Variants in RFX1 observed in about 807,000 individuals in gnomAD.
The protein encoded by RFX1 is MHC class II regulatory factor RFX1.
Under a neutral mutation model 119.6 loss-of-function variants are expected in RFX1, and 42 were observed. That is an observed-to-expected ratio of 0.35 (90% CI 0.27 to 0.45). The LOEUF (loss-of-function observed/expected upper bound fraction) is 0.45, where lower values mean the gene tolerates loss of function less well. Ranked by LOEUF, RFX1 falls within the 20% of genes least tolerant of loss-of-function variation. RFX1 has a pLI of 1.00. For synonymous variants in RFX1, 628 were observed against 618.5 expected, an observed-to-expected ratio of 1.02 and a Z score of -0.23; for missense variants, 1,118 against 1,368.1, an observed-to-expected ratio of 0.82 and a Z score of 2.88.
In RFX1 at chr19:13,962,413, A is replaced by C. The variant is rs1347992234; in HGVS notation, c.*282T>G. On this transcript the variant is annotated 3_prime_UTR_variant, in exon 21 of 21. Transcript: ENST00000254325. Reference sequence around the variant, plus strand: ...TGGGGAGAAGACGCTGGGGCCTGGGAGGGGGGCGGCCAAGGGGCCGAGCTG... The same window carrying C: ...TGGGGAGAAGACGCTGGGGCCTGGGCGGGGGGCGGCCAAGGGGCCGAGCTG... 3 of 444,550 alleles carry C rather than the reference A, an allele frequency of 6.7e-6. No individual in the cohort carries two copies. Among genetic ancestry groups the C allele is most frequent in the Non-Finnish European group, 3.9e-6 (1 of 253,396 alleles). The allele number at this position is 444,550 out of a possible 1,614,324, so 27.5% of individuals were successfully genotyped here. A position where few individuals can be genotyped will look rare whatever the true frequency, so the allele number is the denominator to read the frequency against.
At chr19:14,002,344 G>T (rs1231788082) in intron 1 of RFX1, among the ~76,000 whole-genome samples, 1 of 148,656 alleles carries the variant, frequency 6.7e-6, no homozygotes, top group East Asian at 2.0e-4. Flanking sequence ...AATTAGCCAG[G>T]CATGGTGGCA....
intron 1 of RFX1, among the ~76,000 whole-genome samples, chr19:13,994,895 T>C (rs1452423217): frequency 8.4e-5 from 1 of 11,868 alleles, no homozygotes; most frequent in African/African-American, 3.3e-4. Flanking sequence ...TATACATACA[T>C]ATATATATAT....
rs148804380 is a variant in RFX1 at position 13,983,697 on chromosome 19, A to G, written c.320-102T>C. 2.6e-3 allele frequency: 2,491 copies of G among 955,866 alleles called. 16 individuals are homozygous for G. The highest frequency in any genetic ancestry group is 0.017 in the Middle Eastern group (74 of 4,324). The allele number at this position is 955,866 out of a possible 1,614,324, so 59.2% of individuals were successfully genotyped here. A position where few individuals can be genotyped will look rare whatever the true frequency, so the allele number is the denominator to read the frequency against. ...AAGATGCAGCCTGAAGCCAACCCCC[A>G]GCAAGGTCAGGCCCCTCCAAGAGTC... On this transcript the variant is annotated intron_variant, in intron 2 of 20. Transcript: ENST00000254325.
chr19:13,991,753 C>CT (rs58582204), intron 2 of RFX1, among the ~76,000 whole-genome samples: 167 of 152,156 alleles, frequency 1.1e-3, no homozygotes, highest in African/African-American at 3.8e-3. Context: ...CCTCTGCCTC[C>CT]GGGTTCAAGT....
At chr19:13,996,684 C>T (rs950591339) in intron 1 of RFX1, among the ~76,000 whole-genome samples, 4 of 151,776 alleles carry the variant, frequency 2.6e-5, no homozygotes, top group African/African-American at 7.3e-5. Context: ...CAGTCCCCAA[C>T]CCTACTTAGG....
At chr19:14,005,865 C>A (rs972721026) in intron 1 of RFX1, among the ~76,000 whole-genome samples, 6 of 151,758 alleles carry the variant, frequency 4.0e-5, no homozygotes, top group Non-Finnish European at 7.4e-5. Flanking sequence ...GGCCTGCCGA[C>A]CTCCACTCGC....
In RFX1 at chr19:13,993,588, G is replaced by C; in HGVS notation, c.256C>G (p.Gln86Glu). Residue 86 changes from glutamine (Q) to glutamate (E), a missense_variant, in exon 2 of 21, where the codon CAG (glutamine) becomes GAG (glutamate). By Grantham distance (29) the Gln-to-Glu change is conservative (BLOSUM62 2). This residue lies in a region of RFX1 where 542 missense variants were observed against 602.7 expected (regional missense o/e 0.90). Transcript: ENST00000254325. ...TELPAVPAPS[Q>E]PTGAPTPSPA... ...GAAGGGGTGGGTGCACCGGTTGGCT[G>C]CGAGGGTGCGGGTACAGCCGGGAGC... The C allele has an allele frequency of 6.2e-7, 1 of 1,612,724 alleles. No homozygotes were observed. The highest frequency in any genetic ancestry group is 1.1e-5 in the South Asian group (1 of 90,858).
rs756343688 is a variant in RFX1 at position 13,972,893 on chromosome 19, G to A, written c.1164C>T (p.Gly388=). 38 of 1,574,098 alleles carry A rather than the reference G, an allele frequency of 2.4e-5. No homozygotes were observed. The highest frequency in any genetic ancestry group is 2.0e-4 in the African/African-American group (15 of 74,016). The change falls in exon 9 of 21, where the codon GGC becomes GGT. Residue 388 remains glycine, a synonymous_variant. Transcript: ENST00000254325. ...NSSGGGGSGG[G]GGGGGGGGGG... ...CGCCACCGCCTCCCCCGCCGCCGCCGCCACCACCACTGCCACCACCTCCGC... is the reference window on the plus strand; with the variant it reads ...CGCCACCGCCTCCCCCGCCGCCGCCACCACCACCACTGCCACCACCTCCGC...
intron 1 of RFX1, among the ~76,000 whole-genome samples, chr19:13,999,754 C>T (rs1478481391): frequency 2.0e-5 from 3 of 152,052 alleles, no homozygotes; most frequent in Admixed American, 2.0e-4. Flanking sequence ...CTGCTCACTG[C>T]AACCTCTGCC....
At chr19:13,989,974 G>A (rs1320124789) in intron 2 of RFX1, among the ~76,000 whole-genome samples, 2 of 152,134 alleles carry the variant, frequency 1.3e-5, no homozygotes, top group Non-Finnish European at 2.9e-5. Context: ...AGCCTTGAAG[G>A]AGAGATTTGA....
In RFX1 at chr19:13,966,861, G is replaced by T; in HGVS notation, c.1733-110C>A. ...AGACTGGGGTCCCCCATGTGCCGGT[G>T]AGACAACGCTAGGTGGGGTGAGCGC... On this transcript the variant is annotated intron_variant, in intron 12 of 20. Transcript: ENST00000254325. The surrounding 1 kb of genome is among the most constrained non-coding windows in gnomAD (Gnocchi z 6.3). 1 of 715,258 alleles carries T rather than the reference G, an allele frequency of 1.4e-6. No individual in the cohort carries two copies. Among genetic ancestry groups the T allele is most frequent in the South Asian group, 1.8e-5 (1 of 55,274 alleles). The allele number at this position is 715,258 out of a possible 1,614,324, so 44.3% of individuals were successfully genotyped here.
In RFX1 at chr19:13,965,984, G is replaced by T. The variant is rs116349318; in HGVS notation, c.1962-207C>A. On this transcript the variant is annotated intron_variant, in intron 14 of 20. Transcript: ENST00000254325. This position sits in a 1 kb window ranked among gnomAD's most constrained non-coding sequence, Gnocchi z 4.7. ...TGTGTCTTGCCTCCAGTGCCAGAAG[G>T]CACAGGTATACCTTGTCCCCAACCC... 6.0e-3 allele frequency among the ~76,000 whole-genome samples: 905 copies of T among 152,050 alleles called. 14 individuals carry two copies. The highest frequency in any genetic ancestry group is 0.021 in the African/African-American group (869 of 41,452).
In RFX1 at chr19:13,965,758, G is replaced by A. The variant is rs1973874688; in HGVS notation, c.1981C>T (p.Arg661Ter). Residue 661 changes from arginine (R) to a stop codon, truncating the protein, a stop_gained, in exon 15 of 21, where the codon CGA (arginine) becomes TGA (stop). Transcript: ENST00000254325. LOFTEE classifies it high-confidence loss of function. The surrounding 1 kb of genome is among the most constrained non-coding windows in gnomAD (Gnocchi z 4.7). ...PLAVHDEAEK[R>*]LPKAILVLLS... ...AGCACCAGGATGGCTTTGGGCAGTC[G>A]CTTCTCGGCCTCGTCATGTCTGCGG... 2.5e-6 allele frequency: 4 copies of A among 1,613,588 alleles called. No individual in the cohort carries two copies. Among genetic ancestry groups the A allele is most frequent in the African/African-American group, 1.3e-5 (1 of 74,894 alleles).
At position 13,983,611 on chromosome 19, in the gene RFX1, A is replaced by C. The variant is rs1443322944; in HGVS notation, c.320-16T>G. 1.3e-6 allele frequency: 2 copies of C among 1,576,244 alleles called. No homozygotes were observed. Among genetic ancestry groups the C allele is most frequent in the Non-Finnish European group, 1.7e-6 (2 of 1,162,068 alleles). ...ATGGCACCTTCTGTGGGGAGGGGCCACCAGGTCAGTTCTTCCTGCTTTCCC... is the reference window on the plus strand; with the variant it reads ...ATGGCACCTTCTGTGGGGAGGGGCCCCCAGGTCAGTTCTTCCTGCTTTCCC... On this transcript the variant is annotated splice_polypyrimidine_tract_variant and intron_variant, in intron 2 of 20. Coordinates refer to ENST00000254325, the MANE Select transcript of RFX1 (RefSeq NM_002918.5).
rs918678404 is a variant in RFX1, at chr19:13,968,427, C to A, written c.1732+138G>T. 1.5e-6 allele frequency: 1 copy of A among 688,714 alleles called. No individual in the cohort carries two copies. The highest frequency in any genetic ancestry group is 2.6e-6 in the Non-Finnish European group (1 of 381,260). 42.7% of individuals were successfully genotyped at this position (688,714 alleles called of 1,614,324 possible). ...TGGACGGAGACTGTGATGTCTCCCC[C>A]ACCCCCTGCTGGTTCTCGGGCATCT... On this transcript the variant is annotated intron_variant, in intron 12 of 20. Coordinates refer to ENST00000254325, the MANE Select transcript of RFX1 (RefSeq NM_002918.5). This position sits in a 1 kb window ranked among gnomAD's most constrained non-coding sequence, Gnocchi z 5.5.
chr19:13,976,572 G>A (rs1271230371), intron 8 of RFX1, among the ~76,000 whole-genome samples: 2 of 152,232 alleles, frequency 1.3e-5, no homozygotes, highest in Non-Finnish European at 2.9e-5. Context: ...TGATGACATC[G>A]TGGCTGCTGC....
At position 13,993,663 on chromosome 19, in the gene RFX1, G is replaced by A; in HGVS notation, c.181C>T (p.Pro61Ser). 1 of 1,599,802 alleles carries A rather than the reference G, an allele frequency of 6.3e-7. No individual in the cohort carries two copies. The highest frequency in any genetic ancestry group is 8.5e-7 in the Non-Finnish European group (1 of 1,172,460). ...CCCGGTGGCTGTGCCTGGGGCTGGG[G>A]GCTCTGCAGCTCGGTGACATATTGG... ...QPQYVTELQS[P>S]QPQAQPPGGQ... Residue 61 changes from proline to serine, a missense_variant, in exon 2 of 21, where the codon CCC becomes TCC. By Grantham distance (74) the Pro-to-Ser change is moderately conservative. Coordinates refer to ENST00000254325, the MANE Select transcript of RFX1 (RefSeq NM_002918.5).
intron 1 of RFX1, among the ~76,000 whole-genome samples, chr19:13,994,989 G>A (rs1974960788): frequency 1.5e-5 from 2 of 136,504 alleles, no homozygotes; most frequent in South Asian, 2.4e-4. Context: ...GTCTGGTCTT[G>A]AACTCCTGGG....
At position 13,968,635 on chromosome 19, in the gene RFX1, C is replaced by T. The variant is rs143903817; in HGVS notation, c.1662G>A (p.Ala554=). The T allele has an allele frequency of 1.9e-5, 31 of 1,613,226 alleles. No homozygotes were observed. The Middle Eastern group carries it at 4.9e-4, about 26-fold the overall frequency. Reference sequence around the variant, plus strand: ...GCCCCGTGCTCGGCTGCTGCCCCACCGCCACGCCGTTGGTCATGCCTTCCA... The same window carrying T: ...GCCCCGTGCTCGGCTGCTGCCCCACTGCCACGCCGTTGGTCATGCCTTCCA... ...QKMEGMTNGV[A]VGQQPSTGLS... Residue 554 remains alanine (A), a synonymous_variant, in exon 12 of 21, where the codon GCG becomes GCA. Coordinates refer to ENST00000254325, the MANE Select transcript of RFX1 (RefSeq NM_002918.5). This position sits in a 1 kb window ranked among gnomAD's most constrained non-coding sequence, Gnocchi z 5.5.
Sources: gnomAD v4.1 joint callset for allele counts (sites outside exome capture counted in the v4.1 genomes callset) on GRCh38, gnomAD v4.1.1 for gene constraint, gnomAD v4.1.1 regional missense constraint, Gnocchi (gnomAD v3.1) non-coding constraint, MANE v1.5 for transcripts, NCBI Gene and HGNC (gene_info 2026-07-23, HGNC 2026-07-21) for gene names.